The following DLG2 variants were observed in gnomAD, a reference collection of about 807,000 sequenced individuals.
DLG2 encodes the protein disks large homolog 2.
DLG2 carries 45 observed loss-of-function variants against 132.5 expected under a neutral mutation model. The observed-to-expected ratio is 0.34, with a 90% confidence interval of 0.27 to 0.44. DLG2 has a LOEUF of 0.44. Ranked by LOEUF, DLG2 falls within the 20% of genes least tolerant of loss-of-function variation. The pLI, the probability that DLG2 is intolerant of heterozygous loss-of-function variation, is 1.00. For missense variants in DLG2, 1,045 were observed against 1,196.9 expected (o/e 0.87, Z 1.87); for synonymous variants, 424 against 419.6 (o/e 1.01, Z -0.13).
intron 6 of DLG2, among the ~76,000 whole-genome samples, chr11:84,733,043 T>G (rs1198335539): frequency 6.6e-6 from 1 of 152,180 alleles, no homozygotes; most frequent in Non-Finnish European, 1.5e-5. Flanking sequence ...TCTATCATTG[T>G]TGGACATTTG....
At chr11:84,416,966 A>C (rs937787728) in intron 7 of DLG2, among the ~76,000 whole-genome samples, 16 of 152,232 alleles carry the variant, frequency 1.1e-4, no homozygotes, top group Non-Finnish European at 2.2e-4. Context: ...TTATTGAAAT[A>C]TGAATTTGGA....
intron 15 of DLG2, among the ~76,000 whole-genome samples, chr11:83,912,871 G>A (rs2076306445): frequency 6.6e-6 from 1 of 152,108 alleles, no homozygotes; most frequent in Admixed American, 6.6e-5. Flanking sequence ...TACACAGATA[G>A]AATATTTTAT....
intron 14 of DLG2, among the ~76,000 whole-genome samples, chr11:83,937,449 A>C (rs1440259224): frequency 6.8e-6 from 1 of 147,062 alleles, no homozygotes; most frequent in Non-Finnish European, 1.5e-5. Flanking sequence ...CGGAGTTTGC[A>C]GTGAGCCGAG....
At chr11:85,499,257 AG>A (rs2093738870) in intron 3 of DLG2, among the ~76,000 whole-genome samples, 1 of 152,186 alleles carries the variant, frequency 6.6e-6, no homozygotes, top group Non-Finnish European at 1.5e-5. Flanking sequence ...AAAATGATAA[AG>A]GGGATATCAC....
At chr11:83,868,176 C>T (rs760551030) in intron 16 of DLG2, among the ~76,000 whole-genome samples, 1 of 152,130 alleles carries the variant, frequency 6.6e-6, no homozygotes, top group East Asian at 1.9e-4. Context: ...TCTATCTCCC[C>T]CACCCAGGGA....
intron 9 of DLG2, among the ~76,000 whole-genome samples, chr11:84,124,362 C>T (rs1278293218): frequency 6.6e-6 from 1 of 152,234 alleles, no homozygotes; most frequent in East Asian, 1.9e-4. Context: ...CCCCTTACCT[C>T]ACAGGTTGTA....
intron 18 of DLG2, among the ~76,000 whole-genome samples, chr11:83,732,070 T>C (rs941839908): frequency 3.3e-5 from 5 of 152,168 alleles, no homozygotes; most frequent in African/African-American, 1.2e-4. Context: ...CATGGCTATA[T>C]TGTCAGAAGA....
At chr11:84,789,742 C>T (rs2073514789) in intron 6 of DLG2, among the ~76,000 whole-genome samples, 1 of 152,074 alleles carries the variant, frequency 6.6e-6, no homozygotes, top group Non-Finnish European at 1.5e-5. Context: ...CCTTCCCAGT[C>T]TCTGGTAACT....
At chr11:84,086,326 C>A (rs1324162945) in intron 10 of DLG2, among the ~76,000 whole-genome samples, 1 of 152,088 alleles carries the variant, frequency 6.6e-6, no homozygotes, top group Non-Finnish European at 1.5e-5. Context: ...AATGACAGGG[C>A]ACTTTTAAAG....
chr11:84,599,442 G>A (rs891222343), intron 6 of DLG2, among the ~76,000 whole-genome samples: 7 of 152,084 alleles, frequency 4.6e-5, no homozygotes, highest in African/African-American at 1.7e-4. Flanking sequence ...CTTCTTTCTT[G>A]CTTTAGTGCC....
At chr11:85,017,081 A>T (rs775048800) in intron 6 of DLG2, among the ~76,000 whole-genome samples, 12 of 152,184 alleles carry the variant, frequency 7.9e-5, no homozygotes, top group Non-Finnish European at 1.3e-4. Flanking sequence ...TGCTACAGAT[A>T]TCTTATGGTC....
Position 84,915,053 on chromosome 11 carries a change from C to A in DLG2, c.357+196608G>T, listed in dbSNP as rs576071923. Among the ~76,000 whole-genome samples, 3 of 152,188 alleles carry A rather than the reference C, an allele frequency of 2.0e-5. No individual in the cohort carries two copies. In the East Asian group the frequency reaches 5.8e-4, roughly 29 times the overall value. On this transcript the variant is annotated intron_variant, in intron 6 of 27. Transcript: ENST00000376104. ...AATGAACCAGGCTATATGGAGAAGC[C>A]CTAGTGTTGGCTTCTTAGTGTTGTC...
chr11:85,090,332 T>A (rs541383406), intron 6 of DLG2, among the ~76,000 whole-genome samples: 8 of 152,344 alleles, frequency 5.3e-5, no homozygotes, highest in Non-Finnish European at 1.2e-4. Flanking sequence ...TTCTCTGTCA[T>A]CTTTTCCTGC....
chr11:84,609,707 C>T (rs923056613), intron 6 of DLG2, among the ~76,000 whole-genome samples: 4 of 152,092 alleles, frequency 2.6e-5, no homozygotes, highest in African/African-American at 9.7e-5. Context: ...ATCAGATTCC[C>T]TGCCTTCCCT....
chr11:84,982,263 A>G (rs79167374), intron 6 of DLG2, among the ~76,000 whole-genome samples: 2,078 of 152,250 alleles, frequency 0.014, 46 homozygotes, highest in African/African-American at 0.047. Flanking sequence ...TGCCTGTGTA[A>G]CATCTCTACT....
At chr11:85,530,227 C>T (rs2075102918) in intron 3 of DLG2, among the ~76,000 whole-genome samples, 1 of 151,978 alleles carries the variant, frequency 6.6e-6, no homozygotes, top group East Asian at 1.9e-4. Flanking sequence ...AACTCCCGAC[C>T]TCAGGTTATC....
chr11:84,270,661 G>C (rs1413284299), intron 7 of DLG2, among the ~76,000 whole-genome samples: 1 of 152,176 alleles, frequency 6.6e-6, no homozygotes, highest in East Asian at 1.9e-4. Flanking sequence ...AGATGATCCG[G>C]ACCATCTAGG....
At chr11:84,710,284 T>C (rs1301525594) in intron 6 of DLG2, among the ~76,000 whole-genome samples, 1 of 151,920 alleles carries the variant, frequency 6.6e-6, no homozygotes, top group Non-Finnish European at 1.5e-5. Context: ...GCAGGAACTA[T>C]TTTACCGTAT....
At chr11:85,387,007 C>A (rs948774456) in intron 3 of DLG2, among the ~76,000 whole-genome samples, 1 of 151,396 alleles carries the variant, frequency 6.6e-6, no homozygotes, top group African/African-American at 2.4e-5. Context: ...TCTGCCTCAG[C>A]CTCCCTAGTA....
Sources: allele counts gnomAD v4.1 joint callset (sites outside exome capture counted in the v4.1 genomes callset), GRCh38; gene constraint gnomAD v4.1.1; transcripts MANE v1.5; gene names NCBI Gene and HGNC (gene_info 2026-07-23, HGNC 2026-07-21).